DSCAM: variants seen among roughly 807,000 people sequenced by gnomAD.
The protein encoded by DSCAM is DS cell adhesion molecule, also known as cell adhesion molecule DSCAM.
Under a neutral mutation model 217.7 loss-of-function variants are expected in DSCAM, and 47 were observed. That is an observed-to-expected ratio of 0.22 (90% CI 0.17 to 0.28). DSCAM has a LOEUF of 0.28. DSCAM is among the 10% of genes least tolerant of loss of function. DSCAM has a pLI of 1.00. For missense variants in DSCAM, 2,080 were observed against 2,618.3 expected, an observed-to-expected ratio of 0.79 and a Z score of 4.49; for synonymous variants, 1,056 against 1,015.3, an observed-to-expected ratio of 1.04 and a Z score of -0.76.
At chr21:40,291,486 A>G (rs1391640816) in intron 10 of DSCAM, among the ~76,000 whole-genome samples, 2 of 152,156 alleles carry the variant, frequency 1.3e-5, no homozygotes, top group Admixed American at 1.3e-4. Context: ...ATGGGGACCC[A>G]GTGCAGGAGT....
chr21:40,524,784 G>A (rs1215172973), intron 3 of DSCAM, among the ~76,000 whole-genome samples: 2 of 152,066 alleles, frequency 1.3e-5, no homozygotes, highest in East Asian at 1.9e-4. Context: ...GACGAGGTGG[G>A]CGGATCATGA....
intron 3 of DSCAM, among the ~76,000 whole-genome samples, chr21:40,388,796 A>G (rs1393996266): frequency 6.6e-6 from 1 of 152,230 alleles, no homozygotes; most frequent in Middle Eastern, 3.2e-3. Flanking sequence ...GTAGGGTGGT[A>G]TAAATTCACC....
At chr21:40,374,060 A>ATCT (rs2074926230) in intron 3 of DSCAM, among the ~76,000 whole-genome samples, 2 of 95,494 alleles carry the variant, frequency 2.1e-5, no homozygotes, top group Non-Finnish European at 4.3e-5. Flanking sequence ...ATTTCAAATC[A>ATCT]CAAAAAAAGG....
At position 40,814,919 on chromosome 21, in the gene DSCAM, C is replaced by T. The variant is rs192083750; in HGVS notation, c.43+31700G>A. Reference sequence around the variant, plus strand: ...CTTATTCATGAAAAACAGCAATTAGCGAGGTGATTGCAGTGTTTGAAAATG... The same window carrying T: ...CTTATTCATGAAAAACAGCAATTAGTGAGGTGATTGCAGTGTTTGAAAATG... On this transcript the variant is annotated intron_variant, in intron 1 of 32. Transcript: ENST00000400454. Among the ~76,000 whole-genome samples the T allele has an allele frequency of 2.5e-4, 38 of 152,146 alleles. No homozygotes were observed. The Middle Eastern group carries it at 0.01, about 41-fold the overall frequency.
intron 3 of DSCAM, among the ~76,000 whole-genome samples, chr21:40,387,300 T>A (rs940321664): frequency 4.0e-5 from 6 of 149,426 alleles, no homozygotes; most frequent in Admixed American, 4.0e-4. Flanking sequence ...AGGCTGTTAG[T>A]CCTACACAAG....
In DSCAM at chr21:40,257,739, A is replaced by G. The variant is rs374243301; in HGVS notation, c.2356+18358T>C. Among the ~76,000 whole-genome samples, 11 of 151,968 alleles carry G rather than the reference A, an allele frequency of 7.2e-5. 1 individual carries two copies. Among genetic ancestry groups the G allele is most frequent in the African/African-American group, 2.4e-4 (10 of 41,458 alleles). On this transcript the variant is annotated intron_variant, in intron 11 of 32. Coordinates refer to ENST00000400454, the MANE Select transcript of DSCAM (RefSeq NM_001389.5). ...ATAAAAGACAACTCAGGACTTCCAA[A>G]CGTTAATTTTTTTAATGCTCATGCA...
chr21:40,596,699 C>T (rs540085794), intron 3 of DSCAM, among the ~76,000 whole-genome samples: 14 of 152,124 alleles, frequency 9.2e-5, no homozygotes, highest in African/African-American at 2.4e-4. Context: ...CTGGGTGATA[C>T]GAAATGTGCA....
chr21:40,321,266 CCTT>C (rs1409891505), intron 8 of DSCAM, among the ~76,000 whole-genome samples: 1 of 152,180 alleles, frequency 6.6e-6, no homozygotes, highest in Non-Finnish European at 1.5e-5. Flanking sequence ...AACAAAAACT[CCTT>C]CTCAAGATTC....
chr21:40,455,076 C>CT (rs1325632976), intron 3 of DSCAM, among the ~76,000 whole-genome samples: 5 of 152,118 alleles, frequency 3.3e-5, no homozygotes, highest in African/African-American at 9.7e-5. Context: ...CCAAATAAAC[C>CT]TTTTGCAAGT....
intron 1 of DSCAM, among the ~76,000 whole-genome samples, chr21:40,821,069 C>T (rs1601309833): frequency 1.1e-5 from 1 of 91,824 alleles, no homozygotes; most frequent in East Asian, 2.6e-4. Flanking sequence ...TATATCTTCA[C>T]ATATAGATCT....
chr21:40,376,907 A>G (rs1221711828), intron 3 of DSCAM, among the ~76,000 whole-genome samples: 1 of 151,974 alleles, frequency 6.6e-6, no homozygotes, highest in Non-Finnish European at 1.5e-5. Context: ...TTCCTCAAAA[A>G]TTTATGTTAA....
At chr21:40,050,781 T>C (rs1363082692) in intron 30 of DSCAM, among the ~76,000 whole-genome samples, 1 of 152,286 alleles carries the variant, frequency 6.6e-6, no homozygotes, top group Non-Finnish European at 1.5e-5. Context: ...TCTGGATCAT[T>C]TTTTAAGAGC....
chr21:40,462,579 T>C (rs1020738394), intron 3 of DSCAM, among the ~76,000 whole-genome samples: 5 of 152,100 alleles, frequency 3.3e-5, no homozygotes, highest in African/African-American at 1.2e-4. Flanking sequence ...GCAGGGGAGG[T>C]GGCAATAAAG....
At chr21:40,100,907 C>T (rs2089741501) in intron 20 of DSCAM, among the ~76,000 whole-genome samples, 1 of 151,958 alleles carries the variant, frequency 6.6e-6, no homozygotes, top group Admixed American at 6.6e-5. Context: ...TTTTGTTATG[C>T]CTAAAGTGTG....
chr21:40,621,987 G>A (rs1048814399), intron 3 of DSCAM, among the ~76,000 whole-genome samples: 1 of 151,568 alleles, frequency 6.6e-6, no homozygotes, highest in African/African-American at 2.4e-5. Context: ...GGAAAAAAGA[G>A]AGAGAGAGAA....
chr21:40,616,267 C>A (rs1292877136), intron 3 of DSCAM, among the ~76,000 whole-genome samples: 1 of 152,166 alleles, frequency 6.6e-6, no homozygotes, highest in African/African-American at 2.4e-5. Flanking sequence ...GCCTAACTGA[C>A]CCTTGGCCAG....
At chr21:40,772,313 C>T (rs1431733896) in intron 1 of DSCAM, among the ~76,000 whole-genome samples, 11 of 152,138 alleles carry the variant, frequency 7.2e-5, no homozygotes, top group Non-Finnish European at 1.3e-4. Context: ...GGATTACAGG[C>T]ACCCGTCACC....
intron 11 of DSCAM, among the ~76,000 whole-genome samples, chr21:40,225,925 T>C (rs1314046753): frequency 1.3e-5 from 2 of 152,232 alleles, no homozygotes; most frequent in Non-Finnish European, 2.9e-5. Context: ...ACTACATTGA[T>C]ATATTTTCAC....
At chr21:40,761,274 GGA>G (rs1316708582) in intron 1 of DSCAM, among the ~76,000 whole-genome samples, 11 of 152,074 alleles carry the variant, frequency 7.2e-5, no homozygotes, top group African/African-American at 1.2e-4. Flanking sequence ...AATGTTTTTA[GGA>G]GAGAGTCTGT....
Sources: allele counts gnomAD v4.1 joint callset (sites outside exome capture counted in the v4.1 genomes callset), GRCh38; gene constraint gnomAD v4.1.1; transcripts MANE v1.5; gene names NCBI Gene and HGNC (gene_info 2026-07-23, HGNC 2026-07-21).